Variants in DPYD observed in about 807,000 individuals in gnomAD.
DPYD encodes dihydropyrimidine dehydrogenase [NADP(+)].
DPYD carries 109 observed loss-of-function variants against 116.2 expected under a neutral mutation model. The ratio of observed to expected loss-of-function variants is 0.94; its 90% CI spans 0.80 to 1.10. The LOEUF (loss-of-function observed/expected upper bound fraction) is 1.10. Among genes scored for constraint, DPYD ranks in the 50% least tolerant of loss-of-function variants. The pLI is 0.00. For synonymous variants in DPYD, 440 were observed against 432.0 expected, an observed-to-expected ratio of 1.02 and a Z score of -0.23; for missense variants, 1,302 against 1,254.5, an observed-to-expected ratio of 1.04 and a Z score of -0.57.
chr1:97,452,541 T>TGTATG (rs760887449), intron 13 of DPYD, among the ~76,000 whole-genome samples: 2 of 152,096 alleles, frequency 1.3e-5, no homozygotes, highest in Non-Finnish European at 2.9e-5. Context: ...ATAGTTTGGA[T>TGTATG]GTATACCCCA....
At chr1:97,821,812 C>T (rs1250837962) in intron 3 of DPYD, among the ~76,000 whole-genome samples, 1 of 152,038 alleles carries the variant, frequency 6.6e-6, no homozygotes, top group Non-Finnish European at 1.5e-5. Context: ...AAAATGTATA[C>T]AAACATTATA....
chr1:97,443,612 C>T (rs1418850201), intron 14 of DPYD, among the ~76,000 whole-genome samples: 1 of 152,168 alleles, frequency 6.6e-6, no homozygotes, highest in Non-Finnish European at 1.5e-5. Flanking sequence ...TGTGAATATC[C>T]TCTTTGGGGT....
intron 3 of DPYD, among the ~76,000 whole-genome samples, chr1:97,815,102 GAA>G (rs1668532341): frequency 4.0e-5 from 6 of 149,028 alleles, no homozygotes; most frequent in Admixed American, 2.0e-4. Context: ...GAAGAGAAGA[GAA>G]AAGAGAAGAG....
chr1:97,079,368 T>C (rs1648999769), intron 22 of DPYD, among the ~76,000 whole-genome samples: 1 of 152,120 alleles, frequency 6.6e-6, no homozygotes, highest in Admixed American at 6.6e-5. Flanking sequence ...TAAAATTCCT[T>C]AGGGGTATTT....
chr1:97,888,597 T>C (rs1332021591), intron 1 of DPYD, among the ~76,000 whole-genome samples: 5 of 150,854 alleles, frequency 3.3e-5, no homozygotes, highest in African/African-American at 1.2e-4. Context: ...GGGCTGAAAG[T>C]CAATAGCAAA....
chr1:97,482,456 C>T lies in DPYD; in HGVS notation c.1741-32233G>A, dbSNP rs116348010. 5.4e-3 allele frequency among the ~76,000 whole-genome samples: 821 copies of T among 152,220 alleles called. 6 individuals are homozygous for T. Among genetic ancestry groups the T allele is most frequent in the African/African-American group, 0.019 (789 of 41,542 alleles). On this transcript the variant is annotated intron_variant, in intron 13 of 22. Coordinates refer to ENST00000370192, the MANE Select transcript of DPYD (RefSeq NM_000110.4). ...GAATGAAGAACTTGAAGGAAAGATACCGTTTCCATGTGAGTGCTAACACAG... is the reference window on the plus strand; with the variant it reads ...GAATGAAGAACTTGAAGGAAAGATATCGTTTCCATGTGAGTGCTAACACAG...
At chr1:97,152,148 C>T (rs1176491935) in intron 20 of DPYD, among the ~76,000 whole-genome samples, 1 of 152,124 alleles carries the variant, frequency 6.6e-6, no homozygotes, top group South Asian at 2.1e-4. Flanking sequence ...CCTTCTGCTA[C>T]CTTTGTAAAG....
chr1:97,368,471 G>T (rs1229417959), intron 16 of DPYD, among the ~76,000 whole-genome samples: 1 of 152,088 alleles, frequency 6.6e-6, no homozygotes, highest in Non-Finnish European at 1.5e-5. Context: ...ATCCCAAGAG[G>T]GTTATATGAC....
intron 7 of DPYD, among the ~76,000 whole-genome samples, chr1:97,682,068 A>T (rs1660454417): frequency 6.6e-6 from 1 of 152,182 alleles, no homozygotes; most frequent in African/African-American, 2.4e-5. Flanking sequence ...GAATAAAGAC[A>T]TCCCAATTCT....
At chr1:97,752,309 C>CAG (rs1664977204) in intron 3 of DPYD, among the ~76,000 whole-genome samples, 1 of 151,796 alleles carries the variant, frequency 6.6e-6, no homozygotes, top group African/African-American at 2.4e-5. Flanking sequence ...CACACACACA[C>CAG]ACACACACAC....
intron 3 of DPYD, among the ~76,000 whole-genome samples, chr1:97,806,715 T>G (rs1327582317): frequency 6.6e-6 from 1 of 151,948 alleles, no homozygotes; most frequent in East Asian, 1.9e-4. Context: ...TTTAGTGTTG[T>G]ATATCCTAAG....
intron 19 of DPYD, among the ~76,000 whole-genome samples, chr1:97,225,947 AG>A (rs1661127165): frequency 6.6e-6 from 1 of 152,106 alleles, no homozygotes; most frequent in Admixed American, 6.5e-5. Flanking sequence ...TAGGAAAAAA[AG>A]TATAGGCCGT....
At chr1:97,532,939 T>G (rs1422680259) in intron 12 of DPYD, among the ~76,000 whole-genome samples, 9 of 151,932 alleles carry the variant, frequency 5.9e-5, no homozygotes, top group Non-Finnish European at 8.8e-5. Flanking sequence ...TGTTGTTGTT[T>G]TGTTGTTATT....
intron 16 of DPYD, among the ~76,000 whole-genome samples, chr1:97,360,252 C>T (rs921426829): frequency 1.3e-5 from 2 of 152,116 alleles, no homozygotes; most frequent in African/African-American, 4.8e-5. Context: ...GCTAACTAAC[C>T]TAAATAAATA....
At chr1:97,452,142 C>T (rs1676451168) in intron 13 of DPYD, among the ~76,000 whole-genome samples, 1 of 152,152 alleles carries the variant, frequency 6.6e-6, no homozygotes, top group African/African-American at 2.4e-5. Flanking sequence ...TCCATATCTT[C>T]ACTTAGACTT....
intron 13 of DPYD, among the ~76,000 whole-genome samples, chr1:97,496,182 C>T (rs1271993630): frequency 6.6e-6 from 1 of 152,012 alleles, no homozygotes; most frequent in African/African-American, 2.4e-5. Context: ...ACCAGGACTG[C>T]TACTTTACTC....
chr1:97,204,078 C>T (rs1413543819), intron 19 of DPYD, among the ~76,000 whole-genome samples: 3 of 151,764 alleles, frequency 2.0e-5, no homozygotes, highest in African/African-American at 7.3e-5. Flanking sequence ...AAGAGTTAAG[C>T]GTTATAGGAA....
chr1:97,608,659 T>C (rs991038922), intron 8 of DPYD, among the ~76,000 whole-genome samples: 1 of 151,998 alleles, frequency 6.6e-6, no homozygotes, highest in East Asian at 1.9e-4. Flanking sequence ...TCTTGAATTA[T>C]GAAGCATGTA....
chr1:97,242,642 T>C (rs1662453961), intron 18 of DPYD, among the ~76,000 whole-genome samples: 1 of 151,916 alleles, frequency 6.6e-6, no homozygotes, highest in South Asian at 2.1e-4. Context: ...TTTACTTCTG[T>C]AGTAAAAATA....
Sources: gnomAD v4.1 joint callset for allele counts (sites outside exome capture counted in the v4.1 genomes callset) on GRCh38, gnomAD v4.1.1 for gene constraint, MANE v1.5 for transcripts, NCBI Gene and HGNC (gene_info 2026-07-23, HGNC 2026-07-21) for gene names.